The following STON1 variants were observed in gnomAD, a reference collection of about 807,000 sequenced individuals.
The protein encoded by STON1 is stonin 1.
STON1 carries 79 observed loss-of-function variants against 60.9 expected under a neutral mutation model. That is an observed-to-expected ratio of 1.30 (90% CI 1.08 to 1.56). The LOEUF (loss-of-function observed/expected upper bound fraction) is 1.56, where lower values mean the gene tolerates loss of function less well. Among genes scored for constraint, STON1 ranks in the 40% most tolerant of loss-of-function variants. The pLI is 0.00. For synonymous variants in STON1, 363 were observed against 306.9 expected (o/e 1.18, Z -1.91); for missense variants, 1,166 against 858.9 (o/e 1.36, Z -4.47).
At chr2:48,549,251 C>G (rs1671991559) in intron 1 of STON1, among the ~76,000 whole-genome samples, 1 of 152,142 alleles carries the variant, frequency 6.6e-6, no homozygotes, top group Non-Finnish European at 1.5e-5. Flanking sequence ...TCCTATTTTT[C>G]AAAGAAACTT....
rs1211797365 is a variant in STON1 at position 48,597,359 on chromosome 2, C to G, written c.*2057C>G. The stretch of plus-strand genomic sequence containing the variant: ...GGAGGCCGGCCGAAACTGATGCTGC[C>G]CACAGTCCCAGTGAAGTTAGGTGGG... On this transcript the variant is annotated 3_prime_UTR_variant, in exon 4 of 4. Transcript: ENST00000404752. 2 of 152,202 alleles carry G rather than the reference C, an allele frequency of 1.3e-5. No homozygotes were observed. 9.4% of individuals were successfully genotyped at this position (152,202 alleles called of 1,614,324 possible).
intron 1 of STON1, among the ~76,000 whole-genome samples, chr2:48,565,354 C>T (rs547433322): frequency 7.2e-5 from 11 of 152,214 alleles, no homozygotes; most frequent in South Asian, 2.1e-4. Context: ...GCCCAGCCTC[C>T]GACTTCTTAT....
intron 1 of STON1, among the ~76,000 whole-genome samples, chr2:48,566,384 C>G (rs2103852986): frequency 6.6e-6 from 1 of 152,278 alleles, no homozygotes. Flanking sequence ...CCATGTTGGT[C>G]AGGCTGGTCT....
intron 1 of STON1, chr2:48,532,053 C>T (rs1342104541): frequency 1.9e-5 from 2 of 106,412 alleles, no homozygotes; most frequent in African/African-American, 3.2e-5. Flanking sequence ...TAAGGCAGGG[C>T]ACAACATCAT....
Position 48,582,137 on chromosome 2 carries a change from A to T in STON1, c.1504A>T (p.Ile502Phe), listed in dbSNP as rs1488204707. 1.2e-6 allele frequency: 2 copies of T among 1,614,240 alleles called. No homozygotes were observed. Among genetic ancestry groups the T allele is most frequent in the Non-Finnish European group, 1.7e-6 (2 of 1,180,038 alleles). The stretch of plus-strand genomic sequence containing the variant: ...ACAAGAATTTGAGCAATCAAGAATC[A>T]TTAAGTTTGTACCTCTGGATGCCTG... Reference protein sequence around the residue: ...NVQEFEQSRIIKFVPLDACRF... With the variant: ...NVQEFEQSRIFKFVPLDACRF... The change falls in exon 2 of 4, where the codon ATT (isoleucine) becomes TTT (phenylalanine). Residue 502 changes from isoleucine to phenylalanine, a missense_variant. Transcript: ENST00000404752.
chr2:48,578,696 C>G (rs944421032), intron 1 of STON1, among the ~76,000 whole-genome samples: 1 of 147,960 alleles, frequency 6.8e-6, no homozygotes, highest in Non-Finnish European at 1.5e-5. Flanking sequence ...TCAAGCAATT[C>G]TCCTGCCCAC....
At chr2:48,584,914 C>T (rs931399403) in intron 2 of STON1, among the ~76,000 whole-genome samples, 2 of 152,124 alleles carry the variant, frequency 1.3e-5, no homozygotes, top group Non-Finnish European at 2.9e-5. Flanking sequence ...TGGGCAGGAT[C>T]CTTCAGGTGA....
intron 1 of STON1, among the ~76,000 whole-genome samples, chr2:48,564,422 CTT>C (rs1170932378): frequency 9.9e-4 from 41 of 41,246 alleles, no homozygotes; most frequent in Non-Finnish European, 1.3e-3. Context: ...TCTTCTTCTT[CTT>C]CTTCTTCTTC....
intron 1 of STON1, among the ~76,000 whole-genome samples, chr2:48,550,820 C>T (rs1443420727): frequency 1.3e-5 from 2 of 151,466 alleles, no homozygotes; most frequent in Admixed American, 1.3e-4. Flanking sequence ...AGGAAAACAC[C>T]TTCAGAGTTA....
rs186466615 is a variant in STON1 at position 48,595,260 on chromosome 2, T to C, written c.2166T>C (p.Asp722=). 2.2e-5 allele frequency: 35 copies of C among 1,613,920 alleles called. No homozygotes were observed. The East Asian group carries it at 7.6e-4, about 35-fold the overall frequency. The change falls in exon 4 of 4, where the codon GAT becomes GAC. Residue 722 remains aspartate (D), a synonymous_variant. Transcript: ENST00000404752. The stretch of plus-strand genomic sequence containing the variant: ...TAGAAAAGAAGTGGATTAAAATCGA[T>C]GGAGAAGACCCAGATAAAATTGGTG... ...VEIEKKWIKI[D]GEDPDKIGDC...
At chr2:48,561,988 G>A (rs1281871862) in intron 1 of STON1, among the ~76,000 whole-genome samples, 4 of 152,170 alleles carry the variant, frequency 2.6e-5, no homozygotes, top group Non-Finnish European at 2.9e-5. Context: ...AGCCTCCCGA[G>A]TAGCTGGGAT....
intron 1 of STON1, among the ~76,000 whole-genome samples, chr2:48,536,618 CTAT>C (rs1375116629): frequency 6.7e-6 from 1 of 148,574 alleles, no homozygotes; most frequent in Non-Finnish European, 1.5e-5. Context: ...AAATTGTTAG[CTAT>C]TATTACTTTT....
chr2:48,547,944 T>C (rs1050857992), intron 1 of STON1, among the ~76,000 whole-genome samples: 6 of 152,200 alleles, frequency 3.9e-5, no homozygotes, highest in Admixed American at 3.3e-4. Flanking sequence ...CTAGATGCGT[T>C]TTAAAGTTTT....
intron 1 of STON1, among the ~76,000 whole-genome samples, chr2:48,533,126 G>A (rs1054174140): frequency 6.6e-6 from 1 of 152,136 alleles, no homozygotes; most frequent in Non-Finnish European, 1.5e-5. Flanking sequence ...GCTTCCGCTT[G>A]TAATCCCAGC....
intron 1 of STON1, among the ~76,000 whole-genome samples, chr2:48,541,101 G>A (rs1383118315): frequency 6.6e-6 from 1 of 152,174 alleles, no homozygotes; most frequent in African/African-American, 2.4e-5. Flanking sequence ...TGTAATCCCA[G>A]AACTTTGGGA....
intron 1 of STON1, among the ~76,000 whole-genome samples, chr2:48,570,844 T>G (rs915431194): frequency 3.2e-4 from 18 of 56,620 alleles, no homozygotes; most frequent in Admixed American, 4.7e-4. Context: ...TGTCTCTGAG[T>G]TTTTTTTTTT....
At chr2:48,551,751 T>C (rs956363019) in intron 1 of STON1, among the ~76,000 whole-genome samples, 1 of 152,170 alleles carries the variant, frequency 6.6e-6, no homozygotes, top group East Asian at 1.9e-4. Flanking sequence ...AAGTGTCAGG[T>C]ACATTTACCA....
At chr2:48,567,530 G>C (rs773077613) in intron 1 of STON1, among the ~76,000 whole-genome samples, 3 of 152,174 alleles carry the variant, frequency 2.0e-5, no homozygotes, top group Non-Finnish European at 2.9e-5. Context: ...TCCTGCCTCA[G>C]CCTCCTGAGT....
At chr2:48,568,697 C>T (rs1276322513) in intron 1 of STON1, among the ~76,000 whole-genome samples, 1 of 152,142 alleles carries the variant, frequency 6.6e-6, no homozygotes, top group African/African-American at 2.4e-5. Context: ...ATAGGGCGAG[C>T]TGAGTTATGA....
Sources: allele counts gnomAD v4.1 joint callset (sites outside exome capture counted in the v4.1 genomes callset), GRCh38; gene constraint gnomAD v4.1.1; transcripts MANE v1.5; gene names NCBI Gene and HGNC (gene_info 2026-07-23, HGNC 2026-07-21).